Variants in PTPRM observed in about 807,000 individuals in gnomAD.
PTPRM encodes protein tyrosine phosphatase receptor type M.
PTPRM carries 47 observed loss-of-function variants against 186.7 expected under a neutral mutation model. That is an observed-to-expected ratio of 0.25 (90% CI 0.20 to 0.32). The LOEUF is 0.32. PTPRM is among the 10% of genes least tolerant of loss of function. PTPRM has a pLI of 1.00. For synonymous variants in PTPRM, 668 were observed against 674.9 expected (o/e 0.99, Z 0.16); for missense variants, 1,494 against 1,865.0 (o/e 0.80, Z 3.66).
intron 2 of PTPRM, among the ~76,000 whole-genome samples, chr18:7,796,392 T>C (rs2043649652): frequency 6.6e-6 from 1 of 152,164 alleles, no homozygotes; most frequent in Non-Finnish European, 1.5e-5. Context: ...TCACTTGCAT[T>C]ACCATGCAAA....
chr18:8,222,829 C>A (rs774649758), intron 14 of PTPRM, among the ~76,000 whole-genome samples: 3 of 152,174 alleles, frequency 2.0e-5, no homozygotes, highest in African/African-American at 7.2e-5. Context: ...GTGGTTTGCA[C>A]CTTTAATCCC....
At chr18:8,222,912 A>ACC (rs59066247) in intron 14 of PTPRM, among the ~76,000 whole-genome samples, 14 of 151,336 alleles carry the variant, frequency 9.3e-5, no homozygotes, top group African/African-American at 2.2e-4. Flanking sequence ...ATATAGTGAG[A>ACC]CCCCCCATCT....
At chr18:8,276,055 C>G (rs2094830702) in intron 19 of PTPRM, among the ~76,000 whole-genome samples, 1 of 151,808 alleles carries the variant, frequency 6.6e-6, no homozygotes, top group African/African-American at 2.4e-5. Flanking sequence ...CATCACTTGC[C>G]TCTGCTTGGA....
chr18:8,193,386 T>C (rs2093733788), intron 14 of PTPRM, among the ~76,000 whole-genome samples: 1 of 152,176 alleles, frequency 6.6e-6, no homozygotes, highest in South Asian at 2.1e-4. Flanking sequence ...ACAAATTGAT[T>C]ATGTGTAATT....
At chr18:7,772,107 T>C (rs191633032) in intron 1 of PTPRM, among the ~76,000 whole-genome samples, 9 of 152,314 alleles carry the variant, frequency 5.9e-5, no homozygotes, top group Middle Eastern at 3.4e-3. Flanking sequence ...CCAGGATGGT[T>C]GAAGGGCCTG....
At chr18:8,324,554 G>A (rs1011460794) in intron 22 of PTPRM, among the ~76,000 whole-genome samples, 1 of 152,194 alleles carries the variant, frequency 6.6e-6, no homozygotes, top group Non-Finnish European at 1.5e-5. Flanking sequence ...CCAAATTCTT[G>A]TGCTGTCACA....
chr18:8,320,735 C>T (rs2095340508), intron 22 of PTPRM, among the ~76,000 whole-genome samples: 1 of 152,186 alleles, frequency 6.6e-6, no homozygotes, highest in Non-Finnish European at 1.5e-5. Context: ...AGTCCACAGT[C>T]TCACATCACC....
At chr18:7,652,728 G>A (rs192933485) in intron 1 of PTPRM, among the ~76,000 whole-genome samples, 90 of 126,966 alleles carry the variant, frequency 7.1e-4, no homozygotes, top group African/African-American at 2.6e-3. Flanking sequence ...ACAGGCAGGG[G>A]AACATCACAC....
intron 14 of PTPRM, among the ~76,000 whole-genome samples, chr18:8,239,134 A>C (rs2094386967): frequency 8.0e-6 from 1 of 124,618 alleles, no homozygotes; most frequent in African/African-American, 3.0e-5. Context: ...TCCTAATGCT[A>C]TCCCTCCCCC....
At chr18:7,766,049 C>T (rs936528736) in intron 1 of PTPRM, among the ~76,000 whole-genome samples, 3 of 152,162 alleles carry the variant, frequency 2.0e-5, no homozygotes, top group Non-Finnish European at 2.9e-5. Context: ...ACAGCACTTT[C>T]GAGAGCTTAT....
intron 1 of PTPRM, among the ~76,000 whole-genome samples, chr18:7,702,887 G>A (rs1236751091): frequency 1.3e-5 from 2 of 151,708 alleles, no homozygotes; most frequent in Non-Finnish European, 3.0e-5. Flanking sequence ...GTAAGGAAGG[G>A]GTCCAGTTTT....
At chr18:8,135,770 G>C (rs1041873298) in intron 13 of PTPRM, among the ~76,000 whole-genome samples, 8 of 152,156 alleles carry the variant, frequency 5.3e-5, no homozygotes, top group African/African-American at 1.9e-4. Context: ...TTTTGTGTGT[G>C]TAGTTCTTAG....
At chr18:7,932,766 A>G (rs2051564689) in intron 5 of PTPRM, among the ~76,000 whole-genome samples, 1 of 152,144 alleles carries the variant, frequency 6.6e-6, no homozygotes, top group South Asian at 2.1e-4. Context: ...ATTTATTATA[A>G]GTAATGCACC....
At chr18:8,264,618 A>C (rs181411828) in intron 19 of PTPRM, among the ~76,000 whole-genome samples, 2 of 151,922 alleles carry the variant, frequency 1.3e-5, no homozygotes, top group Non-Finnish European at 2.9e-5. Context: ...AAATACAAAA[A>C]ATTAGCTGGG....
intron 2 of PTPRM, among the ~76,000 whole-genome samples, chr18:7,800,311 T>C (rs886381074): frequency 3.3e-5 from 5 of 152,214 alleles, no homozygotes; most frequent in African/African-American, 1.2e-4. Context: ...TTCTGAGAAA[T>C]GACTGAAAAT....
intron 20 of PTPRM, among the ~76,000 whole-genome samples, chr18:8,299,083 C>T (rs2095127590): frequency 6.6e-6 from 1 of 152,022 alleles, no homozygotes; most frequent in African/African-American, 2.4e-5. Flanking sequence ...CTGCAGGCTC[C>T]CCACCACGTT....
At chr18:7,571,866 GT>G (rs1168248934) in intron 1 of PTPRM, among the ~76,000 whole-genome samples, 1 of 152,136 alleles carries the variant, frequency 6.6e-6, no homozygotes, top group Non-Finnish European at 1.5e-5. Context: ...GTTTTTGCAA[GT>G]CTTCTATAAA....
At chr18:7,915,757 T>A (rs1478241673) in intron 4 of PTPRM, among the ~76,000 whole-genome samples, 1 of 152,196 alleles carries the variant, frequency 6.6e-6, no homozygotes, top group Non-Finnish European at 1.5e-5. Context: ...TACTGATGCT[T>A]GAACACAAAT....
rs564905595 is a variant in PTPRM at position 8,030,005 on chromosome 18, C to T, written c.1133-39681C>T. Among the ~76,000 whole-genome samples, 41 of 152,240 alleles carry T rather than the reference C, an allele frequency of 2.7e-4. 1 individual carries two copies. The highest frequency in any genetic ancestry group is 6.2e-4 in the South Asian group (3 of 4,818). ...CAGATGTGTTCCTTCTTTTTCCCTG[C>T]GAAGTAAACAGCGCAGACCAATCCA... is the stretch of plus-strand genomic sequence containing the variant. On this transcript the variant is annotated intron_variant, in intron 7 of 32. Coordinates refer to ENST00000580170, the MANE Select transcript of PTPRM (RefSeq NM_001105244.2).
Sources: gnomAD v4.1 joint callset for allele counts (sites outside exome capture counted in the v4.1 genomes callset) on GRCh38, gnomAD v4.1.1 for gene constraint, MANE v1.5 for transcripts, NCBI Gene and HGNC (gene_info 2026-07-23, HGNC 2026-07-21) for gene names.